C8orf34: variants seen among roughly 807,000 people sequenced by gnomAD.
C8orf34 encodes the protein uncharacterized protein C8orf34.
In C8orf34, 65 loss-of-function variants were observed where a neutral mutation model predicts 68.3. That is an observed-to-expected ratio of 0.95 (90% CI 0.78 to 1.17). The LOEUF (loss-of-function observed/expected upper bound fraction) is 1.17, where lower values mean the gene tolerates loss of function less well. C8orf34 is among the 50% of genes most tolerant of loss of function. C8orf34 has a pLI of 0.00. For synonymous variants in C8orf34, 244 were observed against 241.2 expected (o/e 1.01, Z -0.11); for missense variants, 664 against 655.4 (o/e 1.01, Z -0.14).
intron 10 of C8orf34, among the ~76,000 whole-genome samples, chr8:68,743,185 G>T (rs578122984): frequency 6.6e-6 from 1 of 152,274 alleles, no homozygotes; most frequent in South Asian, 2.1e-4. Flanking sequence ...AAGATGACAA[G>T]GACACCTGTT....
At chr8:68,515,587 A>G (rs1158051470) in intron 5 of C8orf34, among the ~76,000 whole-genome samples, 1 of 152,170 alleles carries the variant, frequency 6.6e-6, no homozygotes, top group Non-Finnish European at 1.5e-5. Context: ...ACTTAGTAAC[A>G]AAACTCGAGA....
intron 1 of C8orf34, among the ~76,000 whole-genome samples, chr8:68,373,017 C>T (rs993886363): frequency 9.9e-5 from 15 of 152,100 alleles, no homozygotes; most frequent in African/African-American, 2.9e-4. Context: ...GTTTTTGAGA[C>T]AGAGTTTTGC....
chr8:68,625,283 A>G (rs1818506443), intron 7 of C8orf34, among the ~76,000 whole-genome samples: 1 of 152,146 alleles, frequency 6.6e-6, no homozygotes, highest in Non-Finnish European at 1.5e-5. Context: ...GGAATATATT[A>G]TGTAGCTAAT....
chr8:68,737,922 G>A (rs546365736), intron 10 of C8orf34, among the ~76,000 whole-genome samples: 1 of 152,112 alleles, frequency 6.6e-6, no homozygotes, highest in Admixed American at 6.5e-5. Flanking sequence ...TGGATCAAAT[G>A]GACCTGAGAG....
At chr8:68,758,443 G>A (rs967199861) in intron 10 of C8orf34, among the ~76,000 whole-genome samples, 3 of 152,094 alleles carry the variant, frequency 2.0e-5, no homozygotes, top group South Asian at 2.1e-4. Flanking sequence ...AGGTCAAGCC[G>A]TACTCCTTAG....
chr8:68,424,410 A>T (rs987877522), intron 1 of C8orf34, among the ~76,000 whole-genome samples: 1 of 152,190 alleles, frequency 6.6e-6, no homozygotes, highest in Non-Finnish European at 1.5e-5. Context: ...AATGCCCAGG[A>T]TATTTAAAAA....
chr8:68,442,806 G>C (rs1810966812), intron 2 of C8orf34, among the ~76,000 whole-genome samples: 1 of 152,120 alleles, frequency 6.6e-6, no homozygotes, highest in African/African-American at 2.4e-5. Context: ...CTTAATGCAT[G>C]GTTTGTCTAA....
At chr8:68,345,109 T>G (rs1806226558) in intron 1 of C8orf34, among the ~76,000 whole-genome samples, 1 of 151,978 alleles carries the variant, frequency 6.6e-6, no homozygotes, top group South Asian at 2.1e-4. Context: ...ATAAATGTAT[T>G]AAATTATTTT....
intron 11 of C8orf34, among the ~76,000 whole-genome samples, chr8:68,777,632 T>C (rs1263383401): frequency 6.6e-6 from 1 of 152,054 alleles, no homozygotes; most frequent in African/African-American, 2.4e-5. Flanking sequence ...AAAATCAACA[T>C]CCTAACATGA....
At chr8:68,545,275 C>T (rs1294513219) in intron 7 of C8orf34, among the ~76,000 whole-genome samples, 1 of 152,144 alleles carries the variant, frequency 6.6e-6, no homozygotes, top group Admixed American at 6.6e-5. Flanking sequence ...CTCATTCTGT[C>T]TTGTGTGCCA....
intron 1 of C8orf34, among the ~76,000 whole-genome samples, chr8:68,341,603 C>G (rs1464384068): frequency 6.6e-6 from 1 of 151,994 alleles, no homozygotes; most frequent in Non-Finnish European, 1.5e-5. Flanking sequence ...GTGGCAGATC[C>G]CTCATGGCTT....
At chr8:68,524,894 G>T (rs1043472083) in intron 6 of C8orf34, among the ~76,000 whole-genome samples, 1 of 152,124 alleles carries the variant, frequency 6.6e-6, no homozygotes, top group African/African-American at 2.4e-5. Context: ...AAGCCTTGAA[G>T]CCTAATGAAG....
intron 7 of C8orf34, among the ~76,000 whole-genome samples, chr8:68,608,637 T>C (rs745881978): frequency 4.0e-5 from 6 of 151,686 alleles, no homozygotes; most frequent in Admixed American, 2.6e-4. Context: ...GCACCTCCTA[T>C]GACATTTGAA....
rs1314556218 is a variant in C8orf34 at position 68,818,387 on chromosome 8, G to A, written c.*141G>A. On this transcript the variant is annotated 3_prime_UTR_variant, in exon 14 of 14. Transcript: ENST00000518698. ...ATCTCAATAATAAACAAGTACTATC[G>A]TAGCCAGGGGGTGCCCAAGTATGTA... is the stretch of plus-strand genomic sequence containing the variant. 2.7e-5 allele frequency: 26 copies of A among 948,360 alleles called. No homozygotes were observed. Among genetic ancestry groups the A allele is most frequent in the African/African-American group, 8.3e-5 (5 of 60,382 alleles). The allele number at this position is 948,360 out of a possible 1,614,324, so 58.7% of individuals were successfully genotyped here. A position where few individuals can be genotyped will look rare whatever the true frequency, so the allele number is the denominator to read the frequency against.
intron 1 of C8orf34, among the ~76,000 whole-genome samples, chr8:68,395,917 T>C (rs1808685040): frequency 6.6e-6 from 1 of 152,090 alleles, no homozygotes; most frequent in African/African-American, 2.4e-5. Context: ...GGAGAGGAAG[T>C]AAGTGTACAT....
intron 5 of C8orf34, among the ~76,000 whole-genome samples, chr8:68,495,066 C>T (rs868340318): frequency 1.1e-4 from 17 of 151,632 alleles, no homozygotes; most frequent in Non-Finnish European, 2.2e-4. Context: ...ACAATTCCCC[C>T]GGAGGTCTCA....
intron 1 of C8orf34, among the ~76,000 whole-genome samples, chr8:68,367,754 T>TG (rs1188109949): frequency 2.9e-4 from 22 of 76,322 alleles, no homozygotes; most frequent in Admixed American, 2.2e-3. Flanking sequence ...TGTGGTGGGG[T>TG]GGGGGGAGGG....
intron 1 of C8orf34, among the ~76,000 whole-genome samples, chr8:68,382,235 G>C (rs1373720473): frequency 6.6e-6 from 1 of 152,124 alleles, no homozygotes; most frequent in Admixed American, 6.5e-5. Context: ...TGATTAAATT[G>C]CATATAAAAT....
At chr8:68,330,701 G>A (rs1165916537), upstream of C8orf34, 2 of 311,276 alleles carry the variant, frequency 6.4e-6, no homozygotes, top group Non-Finnish European at 1.2e-5. Flanking sequence ...CTGTCGCTAG[G>A]GAGCGGCTGG....
Sources: gnomAD v4.1 joint callset for allele counts (sites outside exome capture counted in the v4.1 genomes callset) on GRCh38, gnomAD v4.1.1 for gene constraint, MANE v1.5 for transcripts, NCBI Gene and HGNC (gene_info 2026-07-23, HGNC 2026-07-21) for gene names.